The following PRSS23 variants were observed in gnomAD, a reference collection of about 807,000 sequenced individuals.
PRSS23 encodes the protein protease, serine 23.
Under a neutral mutation model 34.7 loss-of-function variants are expected in PRSS23, and 25 were observed. The ratio of observed to expected loss-of-function variants is 0.72; its 90% confidence interval spans 0.53 to 1.01. The LOEUF (loss-of-function observed/expected upper bound fraction) is 1.01. Ranked by LOEUF, PRSS23 falls within the 50% of genes least tolerant of loss-of-function variation. The pLI, the probability that PRSS23 is intolerant of heterozygous loss-of-function variation, is 0.00. For synonymous variants in PRSS23, 176 were observed against 186.6 expected (o/e 0.94, Z 0.46); for missense variants, 445 against 475.6 (o/e 0.94, Z 0.60).
chr11:86,889,312 T>G (rs775246276), intron 2 of PRSS23, among the ~76,000 whole-genome samples: 5 of 152,214 alleles, frequency 3.3e-5, no homozygotes, highest in Non-Finnish European at 5.9e-5. Flanking sequence ...GGCCCTGTCT[T>G]AGTCTGTTCC....
intron 2 of PRSS23, among the ~76,000 whole-genome samples, chr11:86,835,736 A>G (rs759080397): frequency 1.4e-4 from 22 of 152,220 alleles, no homozygotes; most frequent in Non-Finnish European, 3.2e-4. Flanking sequence ...TTTAGCCCTA[A>G]GTACGTAACC....
intron 2 of PRSS23, among the ~76,000 whole-genome samples, chr11:86,927,923 AAGAG>A (rs937154567): frequency 1.3e-5 from 2 of 151,716 alleles, no homozygotes; most frequent in African/African-American, 4.8e-5. Flanking sequence ...CCTGGGTGAC[AAGAG>A]AGAAACTCCG....
At chr11:86,893,324 T>TAATGTGTTATGGC (rs1948853636) in intron 2 of PRSS23, among the ~76,000 whole-genome samples, 1 of 152,222 alleles carries the variant, frequency 6.6e-6, no homozygotes, top group Admixed American at 6.5e-5. Flanking sequence ...ATGGCAGCCC[T>TAATGTGTTATGGC]AGTAAACTAA....
At chr11:86,896,555 C>T (rs1011250365) in intron 2 of PRSS23, 2 of 152,206 alleles carry the variant, frequency 1.3e-5, no homozygotes, top group African/African-American at 2.4e-5. Context: ...ATGATAGAAA[C>T]CCTTTTTGTA....
rs143985758 is a variant in PRSS23, at chr11:86,830,438, G to A, written c.206+6845G>A. The stretch of plus-strand genomic sequence containing the variant: ...AAAAGGGAACTCCCTGACCCTTTGC[G>A]CTTCCCAAGTGAGGCAGTGCCTCGC... On this transcript the variant is annotated intron_variant, in intron 2 of 2. Transcript: ENST00000533902. Among the ~76,000 whole-genome samples the A allele has an allele frequency of 7.6e-3, 1,150 of 152,256 alleles. 19 individuals carry two copies. The highest frequency in any genetic ancestry group is 0.026 in the African/African-American group (1,089 of 41,554).
intron 2 of PRSS23, among the ~76,000 whole-genome samples, chr11:86,856,740 A>G (rs1186262239): frequency 6.6e-6 from 1 of 152,242 alleles, no homozygotes; most frequent in Non-Finnish European, 1.5e-5. Context: ...AGGGAATTAC[A>G]AAATTACAAA....
At chr11:86,855,928 A>T (rs1297516094) in intron 2 of PRSS23, among the ~76,000 whole-genome samples, 1 of 152,210 alleles carries the variant, frequency 6.6e-6, no homozygotes, top group Admixed American at 6.5e-5. Context: ...AGAGGATTTT[A>T]TTCATTTTTA....
At chr11:86,814,970 C>A (rs1425828743), downstream of PRSS23, among the ~76,000 whole-genome samples, 1 of 152,180 alleles carries the variant, frequency 6.6e-6, no homozygotes, top group East Asian at 1.9e-4. Context: ...TTATCACTGC[C>A]CCTTGTCTTC....
intron 2 of PRSS23, among the ~76,000 whole-genome samples, chr11:86,856,100 G>A (rs1333385022): frequency 6.6e-6 from 1 of 152,052 alleles, no homozygotes; most frequent in Non-Finnish European, 1.5e-5. Context: ...ACAAGTGTGA[G>A]ATAAAACAGC....
intron 2 of PRSS23, among the ~76,000 whole-genome samples, chr11:86,900,435 C>G (rs1213526375): frequency 6.6e-6 from 1 of 152,164 alleles, no homozygotes; most frequent in African/African-American, 2.4e-5. Context: ...ATTCTGCACA[C>G]AGAATTCAGA....
Position 86,823,451 on chromosome 11 carries a change from C to T in PRSS23, c.64C>T (p.Arg22Ter), listed in dbSNP as rs780508202. 13 of 702,362 alleles carry T rather than the reference C, an allele frequency of 1.9e-5. No homozygotes were observed. Among genetic ancestry groups the T allele is most frequent in the Middle Eastern group, 2.3e-4 (1 of 4,366 alleles). The allele number at this position is 702,362 out of a possible 1,614,324, so 43.5% of individuals were successfully genotyped here. A position where few individuals can be genotyped will look rare whatever the true frequency, so the allele number is the denominator to read the frequency against. The stretch of plus-strand genomic sequence containing the variant: ...TCCTCATGCCCCCACAACTGTGAAG[C>T]GAGAGGGCTCAACAGTTTCGAATTC... The change falls in exon 2 of 3, where the codon CGA becomes TGA. Residue 22 changes from arginine to a stop codon, truncating the protein, a stop_gained. Coordinates refer to the PRSS23 transcript ENST00000533902. LOFTEE classifies it high-confidence loss of function.
chr11:86,824,350 TA>T (rs1198512584), intron 2 of PRSS23, among the ~76,000 whole-genome samples: 4 of 145,094 alleles, frequency 2.8e-5, no homozygotes, highest in Non-Finnish European at 6.0e-5. Flanking sequence ...TAAAATAAAA[TA>T]AAATAAAATA....
chr11:86,873,256 G>GTGTGTATATATATA (rs142908794), intron 2 of PRSS23, among the ~76,000 whole-genome samples: 6 of 121,160 alleles, frequency 5.0e-5, no homozygotes, highest in African/African-American at 2.1e-4. Context: ...ACATATATAT[G>GTGTGTATATATATA]TATATATATA....
Position 86,809,569 on chromosome 11 carries a change from CAG to C in PRSS23, c.*775_*776del, listed in dbSNP as rs1948153771. Reference sequence around the variant, plus strand: ...TGTTTATCCCAACCCTTCCATTTAACAGGATTTCACTCACATTTCTGGAACTA... The same window carrying C: ...TGTTTATCCCAACCCTTCCATTTAACGATTTCACTCACATTTCTGGAACTA... On this transcript the variant is annotated 3_prime_UTR_variant, in exon 2 of 2. Coordinates refer to ENST00000280258, the MANE Select transcript of PRSS23 (RefSeq NM_007173.6). 6.0e-6 allele frequency: 1 copy of C among 166,996 alleles called. No homozygotes were observed. Among genetic ancestry groups the C allele is most frequent in the African/African-American group, 2.4e-5 (1 of 41,434 alleles). The allele number at this position is 166,996 out of a possible 1,614,324, so 10.3% of individuals were successfully genotyped here. A position where few individuals can be genotyped will look rare whatever the true frequency, so the allele number is the denominator to read the frequency against.
intron 2 of PRSS23, among the ~76,000 whole-genome samples, chr11:86,896,707 A>C (rs1948878180): frequency 6.6e-6 from 1 of 152,220 alleles, no homozygotes; most frequent in Admixed American, 6.5e-5. Flanking sequence ...TACTCAGACT[A>C]ATCTTACACA....
rs181791547 is a variant in PRSS23 at position 86,914,181 on chromosome 11, G to A, written c.207-37035G>A. ...ACAGAGGTTGCAGCAAGCCGAGATC[G>A]TGCCACTACACTCCAGCCTGGGTGA... On this transcript the variant is annotated intron_variant, in intron 2 of 2. Coordinates refer to the PRSS23 transcript ENST00000533902. Among the ~76,000 whole-genome samples, 355 of 152,142 alleles carry A rather than the reference G, an allele frequency of 2.3e-3. 2 individuals carry two copies. The highest frequency in any genetic ancestry group is 3.9e-3 in the Non-Finnish European group (265 of 68,000).
intron 2 of PRSS23, chr11:86,833,012 A>G (rs1361675700): frequency 1.2e-5 from 5 of 432,020 alleles, no homozygotes; most frequent in East Asian, 1.0e-4. Flanking sequence ...GAGAAAAAAA[A>G]AAACACAAAA....
intron 2 of PRSS23, among the ~76,000 whole-genome samples, chr11:86,847,547 G>C (rs1948496768): frequency 6.6e-6 from 1 of 152,166 alleles, no homozygotes; most frequent in Non-Finnish European, 1.5e-5. Flanking sequence ...CCTAAGGGAA[G>C]ATGAGTCCCA....
chr11:86,927,492 C>T (rs9971548), intron 2 of PRSS23, among the ~76,000 whole-genome samples: 94,115 of 152,002 alleles, frequency 0.62, 29,716 homozygotes, highest in Non-Finnish European at 0.69. Context: ...TAAGATTTTA[C>T]CTTCTCATTT....
Sources: allele counts gnomAD v4.1 joint callset (sites outside exome capture counted in the v4.1 genomes callset), GRCh38; gene constraint gnomAD v4.1.1; transcripts MANE v1.5; gene names NCBI Gene and HGNC (gene_info 2026-07-23, HGNC 2026-07-21).